CCDC33: variants seen among roughly 807,000 people sequenced by gnomAD.
The protein encoded by CCDC33 is coiled-coil domain containing 33, also known as coiled-coil domain-containing protein 33.
A neutral mutation model predicts 91.9 loss-of-function variants in CCDC33; 94 were observed. The ratio of observed to expected loss-of-function variants is 1.02; its 90% CI spans 0.87 to 1.21. The LOEUF is 1.21. Ranked by LOEUF, CCDC33 falls within the 50% of genes most tolerant of loss-of-function variation. The pLI is 0.00. For synonymous variants in CCDC33, 396 were observed against 374.5 expected (o/e 1.06, Z -0.66); for missense variants, 940 against 935.5 (o/e 1.00, Z -0.06).
intron 2 of CCDC33, among the ~76,000 whole-genome samples, chr15:74,247,430 A>G (rs1272288061): frequency 1.3e-5 from 2 of 152,136 alleles, no homozygotes; most frequent in East Asian, 3.8e-4. Flanking sequence ...TACTTGTGTC[A>G]TATATACACA....
chr15:74,301,065 A>ACGGGCTTCCT (rs2059786236), intron 11 of CCDC33: 1 of 152,268 alleles, frequency 6.6e-6, no homozygotes, highest in Non-Finnish European at 1.5e-5. Context: ...GTAGCTCAGG[A>ACGGGCTTCCT]AGCCATTGGG....
intron 2 of CCDC33, among the ~76,000 whole-genome samples, chr15:74,210,684 G>A (rs1271867167): frequency 6.6e-6 from 1 of 152,196 alleles, no homozygotes; most frequent in Non-Finnish European, 1.5e-5. Flanking sequence ...GAGCTGTGAA[G>A]GCATCACTGA....
chr15:74,278,151 C>T (rs763637992), intron 7 of CCDC33, among the ~76,000 whole-genome samples: 1 of 152,234 alleles, frequency 6.6e-6, no homozygotes, highest in Non-Finnish European at 1.5e-5. Context: ...GTGTCCAGGG[C>T]ACCCTAGCCC....
chr15:74,328,161 G>C (rs2060348680), intron 11 of CCDC33, among the ~76,000 whole-genome samples: 1 of 152,170 alleles, frequency 6.6e-6, no homozygotes, highest in African/African-American at 2.4e-5. Context: ...TGCTTCCTTT[G>C]GTCAGTCCCC....
chr15:74,335,063 C>T lies in CCDC33; in HGVS notation c.2114C>T (p.Ser705Leu), dbSNP rs777898212. The part of the protein sequence containing the change: ...QEQEKGFRHP[S>L]NSIIIEQPSA... The stretch of plus-strand genomic sequence containing the variant: ...CAAGAAAAAGGTTTCAGGCACCCCT[C>T]GAACTCCATCATCATAGAACAGCCT... Residue 705 changes from serine (S) to leucine (L), a missense_variant, in exon 18 of 19, where the codon TCG (serine) becomes TTG (leucine). Physicochemically the swap from Ser to Leu is moderately radical, Grantham distance 145. Transcript: ENST00000398814. 69 of 1,613,822 alleles carry T rather than the reference C, an allele frequency of 4.3e-5. No homozygotes were observed. The highest frequency in any genetic ancestry group is 4.0e-4 in the Admixed American group (24 of 59,996).
intron 11 of CCDC33, among the ~76,000 whole-genome samples, chr15:74,298,467 A>G (rs1042835869): frequency 2.0e-5 from 3 of 152,212 alleles, no homozygotes; most frequent in African/African-American, 7.2e-5. Context: ...AATTAAACCA[A>G]AAGAGATGGG....
intron 10 of CCDC33, among the ~76,000 whole-genome samples, chr15:74,286,236 A>T (rs191078713): frequency 1.3e-5 from 2 of 152,280 alleles, no homozygotes; most frequent in East Asian, 3.9e-4. Flanking sequence ...ACAGAGCAAG[A>T]CTGTGTCTCA....
chr15:74,335,562 C>T (rs186090900), intron 18 of CCDC33: 41 of 343,672 alleles, frequency 1.2e-4, no homozygotes, highest in African/African-American at 8.0e-4. Flanking sequence ...CACAACTGCC[C>T]CTCAAGTTCA....
chr15:74,254,323 G>A (rs1053602360), intron 2 of CCDC33, among the ~76,000 whole-genome samples: 3 of 152,056 alleles, frequency 2.0e-5, no homozygotes, highest in South Asian at 2.1e-4. Flanking sequence ...GAGCCACTGC[G>A]CCCGGACGCC....
At chr15:74,237,791 A>G (rs1443554666) in intron 1 of CCDC33, among the ~76,000 whole-genome samples, 1 of 152,182 alleles carries the variant, frequency 6.6e-6, no homozygotes, top group African/African-American at 2.4e-5. Flanking sequence ...GGAGGAGCCA[A>G]GGTTGCTTTG....
At chr15:74,247,594 A>G (rs1369165100) in intron 2 of CCDC33, among the ~76,000 whole-genome samples, 2 of 152,226 alleles carry the variant, frequency 1.3e-5, no homozygotes, top group East Asian at 1.9e-4. Context: ...CTAGACACAG[A>G]AAGACAAATA....
intron 11 of CCDC33, among the ~76,000 whole-genome samples, chr15:74,305,133 G>C (rs533515261): frequency 4.5e-4 from 68 of 152,206 alleles, no homozygotes; most frequent in African/African-American, 1.5e-3. Flanking sequence ...TTTTAGTAGA[G>C]ACAAGGTTTC....
chr15:74,206,290 C>T (rs1034056779), intron 1 of CCDC33, among the ~76,000 whole-genome samples: 1 of 152,170 alleles, frequency 6.6e-6, no homozygotes, highest in African/African-American at 2.4e-5. Context: ...CCATGGATAG[C>T]GGGTGGCCGC....
At position 74,209,124 on chromosome 15, in the gene CCDC33, G is replaced by C. The variant is rs1025771459; in HGVS notation, n.90-264G>C. 6 of 1,320,322 alleles carry C rather than the reference G, an allele frequency of 4.5e-6. No individual in the cohort carries two copies. In the Admixed American group the frequency reaches 1.7e-4, roughly 38 times the overall value. The allele number at this position is 1,320,322 out of a possible 1,614,324, so 81.8% of individuals were successfully genotyped here. ...TCCCGCCCTTGATTCCGGGATCAGA[G>C]GAACCCACCCCACCCCCATCTCCAG... On this transcript the variant is annotated intron_variant and non_coding_transcript_variant, in intron 1 of 3. Coordinates refer to the CCDC33 transcript ENST00000558645.
chr15:74,317,318 G>T (rs551106955), intron 11 of CCDC33, among the ~76,000 whole-genome samples: 4 of 152,274 alleles, frequency 2.6e-5, no homozygotes, highest in Admixed American at 6.5e-5. Flanking sequence ...CCCAGATCGC[G>T]CCACTGTACT....
Position 74,334,968 on chromosome 15 carries a change from T to C in CCDC33, c.2026-7T>C, listed in dbSNP as rs953883934. 7.5e-6 allele frequency: 12 copies of C among 1,607,596 alleles called. No homozygotes were observed. Among genetic ancestry groups the C allele is most frequent in the Non-Finnish European group, 1.0e-5 (12 of 1,174,086 alleles). On this transcript the variant is annotated splice_polypyrimidine_tract_variant and splice_region_variant and intron_variant, in intron 17 of 18. Transcript: ENST00000398814. ...GGTCCTCCAATTGTCCCTCTCTGTG[T>C]CTGCAGTTAGAGGACTCAGCTCGAC...
chr15:74,210,979 CAG>C (rs1474542078), intron 2 of CCDC33, among the ~76,000 whole-genome samples: 3 of 152,168 alleles, frequency 2.0e-5, no homozygotes, highest in South Asian at 4.1e-4. Context: ...CTGGCAAAGA[CAG>C]AGCCTTAGCT....
intron 2 of CCDC33, among the ~76,000 whole-genome samples, chr15:74,245,600 C>A (rs1190422574): frequency 1.3e-5 from 2 of 152,182 alleles, no homozygotes; most frequent in Non-Finnish European, 2.9e-5. Context: ...CTGTGTGGCT[C>A]CTAGGCAGGC....
rs201432349 is a variant in CCDC33 at position 74,335,174 on chromosome 15, A to G, written c.2139+86A>G. 2.7e-4 allele frequency: 285 copies of G among 1,075,396 alleles called. No individual in the cohort carries two copies. The African/African-American group carries it at 4.0e-3, about 15-fold the overall frequency. The allele number at this position is 1,075,396 out of a possible 1,614,324, so 66.6% of individuals were successfully genotyped here. ...ACCCCCAAAGTCACTGGGCCCTGAG[A>G]AAAGCCATTGTGGAGCCAACTCCAG... On this transcript the variant is annotated intron_variant, in intron 18 of 18. Transcript: ENST00000398814.
Sources: allele counts gnomAD v4.1 joint callset (sites outside exome capture counted in the v4.1 genomes callset), GRCh38; gene constraint gnomAD v4.1.1; transcripts MANE v1.5; gene names NCBI Gene and HGNC (gene_info 2026-07-23, HGNC 2026-07-21).